PLXNA4: variants seen among roughly 807,000 people sequenced by gnomAD.
PLXNA4 encodes plexin A4.
PLXNA4 carries 44 observed loss-of-function variants against 191.8 expected under a neutral mutation model. That is an observed-to-expected ratio of 0.23 (90% confidence interval 0.18 to 0.29). The LOEUF (loss-of-function observed/expected upper bound fraction) is 0.29, where lower values mean the gene tolerates loss of function less well. Among genes scored for constraint, PLXNA4 ranks in the 10% least tolerant of loss-of-function variants. The pLI is 1.00. For synonymous variants in PLXNA4, 1,082 were observed against 1,009.5 expected (o/e 1.07, Z -1.36); for missense variants, 1,800 against 2,488.8 (o/e 0.72, Z 5.89).
At position 132,130,620 on chromosome 7, in the gene PLXNA4, G is replaced by T. The variant is rs1584742931; in HGVS notation, c.5590-46C>A. The T allele has an allele frequency of 3.1e-6, 5 of 1,613,322 alleles. No homozygotes were observed. The East Asian group carries it at 1.1e-4, about 36-fold the overall frequency. On this transcript the variant is annotated intron_variant, in intron 31 of 31. Transcript: ENST00000321063. ...GGGAGATTACTCATTTGTGTGTACA[G>T]GTCTGTGTTCTCAGGAGGCACAAAG...
chr7:132,493,420 G>A (rs771149132), intron 2 of PLXNA4, among the ~76,000 whole-genome samples: 2 of 152,184 alleles, frequency 1.3e-5, no homozygotes, highest in Non-Finnish European at 2.9e-5. Context: ...CATTAAATGA[G>A]AATTTATATG....
chr7:132,176,513 T>G (rs1796461810), intron 20 of PLXNA4, among the ~76,000 whole-genome samples: 1 of 152,186 alleles, frequency 6.6e-6, no homozygotes. Context: ...TGAGTGTGTA[T>G]GTCAGGGAGT....
In PLXNA4 at chr7:132,385,338, A is replaced by G. The variant is rs79238551; in HGVS notation, c.1372-87116T>C. 3,976 of 1,571,480 alleles carry G rather than the reference A, an allele frequency of 2.5e-3. 78 individuals carry two copies. In the African/African-American group the frequency reaches 0.048, roughly 19 times the overall value. On this transcript the variant is annotated intron_variant, in intron 3 of 31. Coordinates refer to ENST00000321063, the MANE Select transcript of PLXNA4 (RefSeq NM_020911.2). The stretch of plus-strand genomic sequence containing the variant: ...TTAGCAGACTTAGACCATGGTGCAC[A>G]AGATATGCCCATAAGCCTCCTTATT...
At chr7:132,135,198 A>C (rs1795077314) in intron 30 of PLXNA4, among the ~76,000 whole-genome samples, 2 of 152,312 alleles carry the variant, frequency 1.3e-5, no homozygotes, top group South Asian at 4.1e-4. Flanking sequence ...TTTATTTGTA[A>C]AAAGTGTGAA....
intron 3 of PLXNA4, among the ~76,000 whole-genome samples, chr7:132,417,050 G>C: frequency 6.6e-6 from 1 of 152,142 alleles, no homozygotes; most frequent in Non-Finnish European, 1.5e-5. Flanking sequence ...GAATGTTGCT[G>C]AATGCCTTCT....
chr7:132,223,644 G>A lies in PLXNA4; in HGVS notation c.1983-3C>T, dbSNP rs1312381999. On this transcript the variant is annotated splice_region_variant and splice_polypyrimidine_tract_variant and intron_variant, in intron 8 of 31. Transcript: ENST00000321063. ...GACTCTCCACGCAGGACAGGCACCT[G>A]GGCACAGGGGAAGGGAGGCACAAAT... is the stretch of plus-strand genomic sequence containing the variant. 3 of 1,611,238 alleles carry A rather than the reference G, an allele frequency of 1.9e-6. No homozygotes were observed. Among genetic ancestry groups the A allele is most frequent in the African/African-American group, 1.3e-5 (1 of 74,884 alleles).
chr7:132,395,696 AG>A (rs1192154528), intron 3 of PLXNA4, among the ~76,000 whole-genome samples: 1 of 152,182 alleles, frequency 6.6e-6, no homozygotes, highest in African/African-American at 2.4e-5. Context: ...TCTTGGAGAG[AG>A]GGGAGAGTAT....
In PLXNA4 at chr7:132,164,254, C is replaced by T; in HGVS notation, c.4388G>A (p.Cys1463Tyr). Residue 1463 changes from cysteine (C) to tyrosine (Y), a missense_variant, in exon 24 of 32, where the codon TGT (cysteine) becomes TAT (tyrosine). Physicochemically the swap from Cys to Tyr is radical, Grantham distance 194. Transcript: ENST00000321063. ...CTTCTCCATCTGCTGCTTGATGGCA[C>T]AGAACAGGGAGAAGAGGGGCTCCCC... The part of the protein sequence containing the change: ...CAGEPLFSLF[C>Y]AIKQQMEKGP... The T allele has an allele frequency of 6.2e-7, 1 of 1,614,212 alleles. No individual in the cohort carries two copies. Among genetic ancestry groups the T allele is most frequent in the Non-Finnish European group, 8.5e-7 (1 of 1,180,028 alleles).
intron 21 of PLXNA4, among the ~76,000 whole-genome samples, chr7:132,169,073 G>T (rs79434268): frequency 6.6e-5 from 10 of 152,144 alleles, no homozygotes; most frequent in South Asian, 2.1e-4. Context: ...TGGGTTCCAC[G>T]TGGATTCTGA....
At chr7:132,569,876 C>T (rs1410613200) in intron 1 of PLXNA4, among the ~76,000 whole-genome samples, 1 of 152,198 alleles carries the variant, frequency 6.6e-6, no homozygotes, top group South Asian at 2.1e-4. Context: ...GAATCTATTG[C>T]TCACACAATC....
intron 9 of PLXNA4, among the ~76,000 whole-genome samples, chr7:132,211,907 G>A (rs534257794): frequency 2.0e-5 from 3 of 152,312 alleles, no homozygotes; most frequent in South Asian, 4.2e-4. Flanking sequence ...TGTCCAGGGA[G>A]GGCTGGGGAC....
chr7:132,156,569 G>A (rs368345029), intron 25 of PLXNA4, among the ~76,000 whole-genome samples: 129 of 152,352 alleles, frequency 8.5e-4, no homozygotes, highest in African/African-American at 3.0e-3. Flanking sequence ...GATGCTCTCA[G>A]CAGTGGGAGA....
At chr7:132,545,705 A>C (rs913409925) in intron 1 of PLXNA4, among the ~76,000 whole-genome samples, 3 of 152,220 alleles carry the variant, frequency 2.0e-5, no homozygotes, top group Non-Finnish European at 2.9e-5. Flanking sequence ...AGGAAAAGAA[A>C]AAAAAAATGA....
chr7:132,269,643 T>A (rs770939684), intron 4 of PLXNA4, among the ~76,000 whole-genome samples: 11 of 152,066 alleles, frequency 7.2e-5, no homozygotes, highest in Non-Finnish European at 1.6e-4. Context: ...CACATTAATT[T>A]TTTTTCTGCC....
chr7:132,162,832 G>A (rs1260768025), intron 24 of PLXNA4, among the ~76,000 whole-genome samples: 2 of 152,098 alleles, frequency 1.3e-5, no homozygotes, highest in African/African-American at 4.8e-5. Flanking sequence ...TGGGATAGGT[G>A]GATCATGGTC....
chr7:132,318,133 C>A (rs924435366), intron 3 of PLXNA4, among the ~76,000 whole-genome samples: 3 of 152,120 alleles, frequency 2.0e-5, no homozygotes, highest in Non-Finnish European at 2.9e-5. Flanking sequence ...AACAAGCAGG[C>A]CTGCAGGCAG....
rs1476158721 is a variant in PLXNA4 at position 132,179,027 on chromosome 7, C to T, written c.3874+660G>A. 1.5e-4 allele frequency among the ~76,000 whole-genome samples: 13 copies of T among 89,050 alleles called. 1 individual carries two copies. Among genetic ancestry groups the T allele is most frequent in the South Asian group, 5.8e-4 (1 of 1,720 alleles). The allele number at this position is 89,050 out of a possible 152,430, so 58.4% of individuals were successfully genotyped here. ...TGAAACACATACACATATACAGGCG[C>T]GCGCGCACACACACACACACACACA... On this transcript the variant is annotated intron_variant, in intron 20 of 31. Transcript: ENST00000321063.
chr7:132,164,032 C>A, intron 24 of PLXNA4, 110 bp downstream of exon 24: 1 of 1,510,292 alleles, frequency 6.6e-7, no homozygotes, highest in Non-Finnish European at 8.9e-7. Flanking sequence ...AGCAGACACA[C>A]CTGGAGAGGC....
In PLXNA4 at chr7:132,384,178, A is replaced by T. The variant is rs1166821051; in HGVS notation, c.1372-85956T>A. Reference sequence around the variant, plus strand: ...CAGGAACCTGTGGCACACCCTAAAGAGAATTACACTGTTGTGTATCCTCCA... The same window carrying T: ...CAGGAACCTGTGGCACACCCTAAAGTGAATTACACTGTTGTGTATCCTCCA... On this transcript the variant is annotated intron_variant, in intron 3 of 31. Coordinates refer to ENST00000321063, the MANE Select transcript of PLXNA4 (RefSeq NM_020911.2). 5.1e-6 allele frequency: 5 copies of T among 985,300 alleles called. No individual in the cohort carries two copies. The Admixed American group carries it at 2.5e-4, about 48-fold the overall frequency. 61.0% of individuals were successfully genotyped at this position (985,300 alleles called of 1,614,324 possible).
Sources: allele counts gnomAD v4.1 joint callset (sites outside exome capture counted in the v4.1 genomes callset), GRCh38; gene constraint gnomAD v4.1.1; transcripts MANE v1.5; gene names NCBI Gene and HGNC (gene_info 2026-07-23, HGNC 2026-07-21).